Variants in ABI3BP observed in about 807,000 individuals in gnomAD.
The protein encoded by ABI3BP is target of Nesh-SH3.
A neutral mutation model predicts 268.6 loss-of-function variants in ABI3BP; 216 were observed. The observed-to-expected ratio is 0.80, with a 90% CI of 0.72 to 0.90. The LOEUF (loss-of-function observed/expected upper bound fraction) is 0.90, where lower values mean the gene tolerates loss of function less well. ABI3BP is among the 40% of genes least tolerant of loss of function. The probability of loss-of-function intolerance (pLI) is 0.00; values close to 1 mark genes in which losing one functional copy is unlikely to be tolerated. For synonymous variants in ABI3BP, 730 were observed against 730.0 expected (o/e 1.00, Z 0.00); for missense variants, 2,090 against 2,182.4 (o/e 0.96, Z 0.84).
intron 63 of ABI3BP, among the ~76,000 whole-genome samples, chr3:100,761,779 C>G (rs1458694072): frequency 4.6e-5 from 7 of 152,184 alleles, no homozygotes; most frequent in Non-Finnish European, 1.0e-4. Context: ...ACGTGAAGCT[C>G]TACTCCACCC....
intron 20 of ABI3BP, 66 bp from the exon 21 acceptor site, chr3:100,842,105 G>T (rs2152940622): frequency 7.6e-7 from 1 of 1,321,154 alleles, no homozygotes; most frequent in Non-Finnish European, 1.0e-6. Context: ...GAAGTGACAT[G>T]TTCTTGACTA....
intron 1 of ABI3BP, among the ~76,000 whole-genome samples, chr3:100,936,319 A>C (rs1218773324): frequency 1.3e-5 from 2 of 152,208 alleles, no homozygotes; most frequent in Non-Finnish European, 2.9e-5. Context: ...CATCCCAGGG[A>C]TGAAGCCGAC....
chr3:100,751,819 T>A (rs989175908), intron 66 of ABI3BP, 145 bp from the exon 67 acceptor site: 2 of 767,334 alleles, frequency 2.6e-6, no homozygotes, highest in Admixed American at 3.5e-5. Flanking sequence ...TGCCTACCTG[T>A]ATTCTTCCTC....
In ABI3BP at chr3:100,811,744, C is replaced by CAG. The variant is rs1212937803; in HGVS notation, c.3476_3477insCT (p.Glu1159AspfsTer23). ...CTTTGCTACCTTCAGTCTTTGGCTC[C>CAG]TCTGGCCAGAGTGGTGCTTTGGCAG... On this transcript the variant is annotated frameshift_variant, in exon 47 of 68. Transcript: ENST00000471714. LOFTEE classifies it high-confidence loss of function. 1 of 1,535,446 alleles carries CAG rather than the reference C, an allele frequency of 6.5e-7. No individual in the cohort carries two copies. Among genetic ancestry groups the CAG allele is most frequent in the Non-Finnish European group, 8.7e-7 (1 of 1,146,448 alleles).
intron 18 of ABI3BP, among the ~76,000 whole-genome samples, chr3:100,848,009 T>C (rs1023822480): frequency 6.6e-6 from 1 of 152,214 alleles, no homozygotes; most frequent in African/African-American, 2.4e-5. Context: ...CTCCTTTTCT[T>C]CCAAATCCTA....
At chr3:100,902,508 C>T (rs2050919816) in intron 3 of ABI3BP, 110 bp downstream of exon 3, 3 of 949,976 alleles carry the variant, frequency 3.2e-6, no homozygotes, top group Non-Finnish European at 4.8e-6. Flanking sequence ...GACACCTCCT[C>T]TACATTCTTA....
chr3:100,969,554 T>C (rs2082665863), intron 1 of ABI3BP, among the ~76,000 whole-genome samples: 1 of 152,158 alleles, frequency 6.6e-6, no homozygotes, highest in Non-Finnish European at 1.5e-5. Flanking sequence ...ATAAATGCTA[T>C]ATACAGAACA....
chr3:100,867,485 C>CA (rs370217564), intron 9 of ABI3BP, among the ~76,000 whole-genome samples: 5,022 of 151,086 alleles, frequency 0.033, 252 homozygotes, highest in African/African-American at 0.11. Context: ...ACTAAATATA[C>CA]AAAAAATTAG....
rs190632569 is a variant in ABI3BP at position 100,852,144 on chromosome 3, G to A, written c.1286-204C>T. ...CTTTGGTCCTTTTTTGCTCTGAACC[G>A]CAGGATTTTATATAGTGAGCCCTGA... On this transcript the variant is annotated intron_variant, in intron 14 of 67. Transcript: ENST00000471714. 4.1e-3 allele frequency among the ~76,000 whole-genome samples: 627 copies of A among 152,138 alleles called. 3 individuals are homozygous for A. Among genetic ancestry groups the A allele is most frequent in the Non-Finnish European group, 5.4e-3 (369 of 68,014 alleles).
intron 1 of ABI3BP, among the ~76,000 whole-genome samples, chr3:100,969,615 A>G (rs546661542): frequency 6.6e-6 from 1 of 152,326 alleles, no homozygotes; most frequent in East Asian, 1.9e-4. Context: ...AAAAAACCCT[A>G]CACTATCTTT....
At chr3:100,864,105 CT>C (rs1447057862) in intron 11 of ABI3BP, 29 bp from the exon 12 acceptor site, 10 of 1,465,086 alleles carry the variant, frequency 6.8e-6, no homozygotes, top group Non-Finnish European at 9.2e-6. Flanking sequence ...CAGTTAGCAA[CT>C]CCTGGACTTG....
chr3:100,862,985 C>A, intron 12 of ABI3BP, 76 bp from the exon 13 acceptor site: 2 of 1,129,824 alleles, frequency 1.8e-6, no homozygotes, highest in Admixed American at 2.4e-5. Context: ...TTTAAGCTTG[C>A]AAAAACAAAA....
intron 1 of ABI3BP, among the ~76,000 whole-genome samples, chr3:100,950,678 C>G (rs1198898852): frequency 6.6e-6 from 1 of 152,014 alleles, no homozygotes; most frequent in Non-Finnish European, 1.5e-5. Context: ...TGGTCAAACA[C>G]TCTTTTCATC....
chr3:100,832,335 G>C lies in ABI3BP; in HGVS notation c.2330C>G (p.Thr777Arg), dbSNP rs1397468215. 6.6e-7 allele frequency: 1 copy of C among 1,517,300 alleles called. No individual in the cohort carries two copies. The highest frequency in any genetic ancestry group is 2.5e-5 in the East Asian group (1 of 40,642). The allele number at this position is 1,517,300 out of a possible 1,614,324, so 94.0% of individuals were successfully genotyped here. A position where few individuals can be genotyped will look rare whatever the true frequency, so the allele number is the denominator to read the frequency against. The part of the protein sequence containing the change: ...PGTSSAPTTT[T>R]KRTRRPHPKP... Reference sequence around the variant, plus strand: ...GGGATGTGGACGACGGGTTCTTTTTGTTGTTGTTGTTGGAGCTGAAGGAAG... The same window carrying C: ...GGGATGTGGACGACGGGTTCTTTTTCTTGTTGTTGTTGGAGCTGAAGGAAG... The change falls in exon 31 of 68, where the codon ACA becomes AGA. Residue 777 changes from threonine to arginine, a missense_variant. Physicochemically the swap from Thr to Arg is moderately conservative, Grantham distance 71. Coordinates refer to ENST00000471714, the MANE Select transcript of ABI3BP (RefSeq NM_001375547.2).
At chr3:100,862,704 A>T (rs1212075616) in intron 13 of ABI3BP, 134 bp downstream of exon 13, 2 of 660,174 alleles carry the variant, frequency 3.0e-6, no homozygotes. Flanking sequence ...ATTAAAAAAA[A>T]ATCAAATCAA....
chr3:100,869,014 C>G (rs1408122326), intron 9 of ABI3BP, among the ~76,000 whole-genome samples: 1 of 152,084 alleles, frequency 6.6e-6, no homozygotes, highest in African/African-American at 2.4e-5. Context: ...CTTTCACGAT[C>G]TCTTCTCTTT....
At position 100,749,326 on chromosome 3, in the gene ABI3BP, A is replaced by AACTC. The variant is rs1553708711; in HGVS notation, c.*1165_*1168dup. ...GAACCATTCAGAAATAACAAACAAAAACTCAATCTTAAAAAAAAACTACAT... is the reference window on the plus strand; with the variant it reads ...GAACCATTCAGAAATAACAAACAAAAACTCACTCAATCTTAAAAAAAAACTACAT... On this transcript the variant is annotated 3_prime_UTR_variant, in exon 68 of 68. Coordinates refer to ENST00000471714, the MANE Select transcript of ABI3BP (RefSeq NM_001375547.2). The AACTC allele has an allele frequency of 4.1e-5, 4 of 96,806 alleles. No homozygotes were observed. In the East Asian group the frequency reaches 4.9e-4, roughly 12 times the overall value. 6.0% of individuals were successfully genotyped at this position (96,806 alleles called of 1,614,324 possible). A position where few individuals can be genotyped will look rare whatever the true frequency, so the allele number is the denominator to read the frequency against.
chr3:100,869,356 T>TTTTTTTTTTTTTTTTTTTG (rs2099088271), intron 9 of ABI3BP, among the ~76,000 whole-genome samples: 2 of 91,386 alleles, frequency 2.2e-5, no homozygotes, highest in East Asian at 3.5e-4. Flanking sequence ...TTTTTTTTTT[T>TTTTTTTTTTTTTTTTTTTG]GAGTCAGGGT....
intron 63 of ABI3BP, among the ~76,000 whole-genome samples, chr3:100,756,752 C>G (rs990643143): frequency 2.0e-5 from 3 of 149,538 alleles, no homozygotes; most frequent in Non-Finnish European, 4.4e-5. Context: ...TTTCAGCATG[C>G]CACATATACA....
Sources: allele counts gnomAD v4.1 joint callset (sites outside exome capture counted in the v4.1 genomes callset), GRCh38; gene constraint gnomAD v4.1.1; transcripts MANE v1.5; gene names NCBI Gene and HGNC (gene_info 2026-07-23, HGNC 2026-07-21).